Variants in MORC4 observed in about 807,000 individuals in gnomAD.
MORC4 encodes the protein MORC family CW-type zinc finger 4, also known as MORC family CW-type zinc finger protein 4.
A neutral mutation model predicts 65.5 loss-of-function variants in MORC4; 22 were observed. That is an observed-to-expected ratio of 0.34 (90% CI 0.24 to 0.48). The LOEUF (loss-of-function observed/expected upper bound fraction) is 0.48. MORC4 is among the 20% of genes least tolerant of loss of function. The probability of loss-of-function intolerance (pLI) is 0.99; values close to 1 mark genes in which losing one functional copy is unlikely to be tolerated. For synonymous variants in MORC4, 267 were observed against 255.8 expected (o/e 1.04, Z -0.42); for missense variants, 624 against 703.0 (o/e 0.89, Z 1.27).
intron 2 of MORC4, among the ~76,000 whole-genome samples, chrX:106,998,725 T>C (rs7876781): frequency 0.031 from 3,458 of 112,105 alleles, 137 homozygotes; most frequent in African/African-American, 0.11. Flanking sequence ...TTCCGTGTTA[T>C]GGTTAATCAT....
In MORC4 at chrX:106,999,883, C is replaced by T; in HGVS notation, c.87G>A (p.Gly29=). The T allele has an allele frequency of 1.2e-6, 1 of 834,063 alleles. No individual in the cohort carries two copies. The allele number at this position is 834,063 out of a possible 1,213,427, so 68.7% of individuals were successfully genotyped here. Residue 29 remains glycine, a synonymous_variant, in exon 1 of 17, where the codon GGG becomes GGA. Coordinates refer to ENST00000355610, the MANE Select transcript of MORC4 (RefSeq NM_024657.5). ...CCGGACCTACCGTGCTCAGGCGGAT[C>T]CCGAAGGCCTGCGGGCCGCCGCCGG... ...ARPGGGPQAF[G]IRLSTMSPRY...
chrX:106,953,334 G>A (rs938956212), intron 14 of MORC4, among the ~76,000 whole-genome samples: 1 of 112,045 alleles, frequency 8.9e-6, no homozygotes, highest in African/African-American at 3.2e-5. Flanking sequence ...GGAAGGGACA[G>A]TCTTCAAAAG....
In MORC4 at chrX:106,954,942, A is replaced by G. The variant is rs1934068602; in HGVS notation, c.1656T>C (p.Pro552=). Reference sequence around the variant, plus strand: ...AAAACTGTAAAACACTGGAATCCAGAGGCTTAAGTTGAAGAGATGGTGATC... The same window carrying G: ...AAAACTGTAAAACACTGGAATCCAGGGGCTTAAGTTGAAGAGATGGTGATC... ...ESRSPSLQLK[P]LDSSVLQFSS... Residue 552 remains proline, a synonymous_variant, in exon 14 of 17, where the codon CCT becomes CCC. Transcript: ENST00000355610. 1 of 1,209,856 alleles carries G rather than the reference A, an allele frequency of 8.3e-7. No individual in the cohort carries two copies. The highest frequency in any genetic ancestry group is 1.1e-6 in the Non-Finnish European group (1 of 895,015).
At chrX:106,958,540 C>CA in intron 10 of MORC4, 76 bp from the exon 11 acceptor site, 2 of 902,234 alleles carry the variant, frequency 2.2e-6, no homozygotes, top group Non-Finnish European at 2.9e-6. Context: ...AAGGTGCAGC[C>CA]AAAAAAAGAA....
rs1325904720 is a variant in MORC4, at chrX:106,941,371, T to TGTGA, written c.*107_*108insTCAC. 3.6e-6 allele frequency: 1 copy of TGTGA among 279,463 alleles called. No individual in the cohort carries two copies. The highest frequency in any genetic ancestry group is 6.1e-6 in the Non-Finnish European group (1 of 165,193). The allele number at this position is 279,463 out of a possible 1,213,427, so 23.0% of individuals were successfully genotyped here. On this transcript the variant is annotated 3_prime_UTR_variant, in exon 17 of 17. Transcript: ENST00000355610. ...TCTATATAAGGCATAAAGGTGAGGG[T>TGTGA]GAGAGAGAGAGAGAGAGAGAGAGAG...
intron 14 of MORC4, among the ~76,000 whole-genome samples, chrX:106,946,218 C>A (rs1933824697): frequency 8.9e-6 from 1 of 111,940 alleles, no homozygotes; most frequent in Non-Finnish European, 1.9e-5. Flanking sequence ...ATATGCACCA[C>A]CCCGCAAGAA....
At chrX:106,980,814 T>C (rs1442034463) in intron 7 of MORC4, 77 bp downstream of exon 7, 1 of 1,006,482 alleles carries the variant, frequency 9.9e-7, no homozygotes, top group African/African-American at 1.9e-5. Flanking sequence ...AAAGTTTTTG[T>C]TTTTCTGTGT....
intron 14 of MORC4, among the ~76,000 whole-genome samples, chrX:106,950,178 G>A (rs1316840675): frequency 8.9e-6 from 1 of 112,214 alleles, no homozygotes. Context: ...GATCCGAAGA[G>A]GGCTCTTGAC....
intron 2 of MORC4, 86 bp downstream of exon 2, chrX:106,999,591 G>A: frequency 2.1e-6 from 2 of 934,473 alleles, no homozygotes; most frequent in South Asian, 2.4e-5. Flanking sequence ...GCCCCGCGCG[G>A]CTCTGCGCAT....
Position 106,942,961 on chromosome X carries a change from T to A in MORC4, c.1930A>T (p.Ile644Phe). ...TGGTCTTTGGCCCCTGGATACAGAA[T>A]TGAAACCTCCCTATTCTGACCTGTA... ...KNTGQNREVSILYPGAKDQRQ... is the reference protein window; with the variant it reads ...KNTGQNREVSFLYPGAKDQRQ... Residue 644 changes from isoleucine (I) to phenylalanine (F), a missense_variant, in exon 15 of 17, where the codon ATT (isoleucine) becomes TTT (phenylalanine). By Grantham distance (21) the Ile-to-Phe change is conservative. Coordinates refer to ENST00000355610, the MANE Select transcript of MORC4 (RefSeq NM_024657.5). The A allele has an allele frequency of 9.9e-6, 12 of 1,211,685 alleles. No individual in the cohort carries two copies. The highest frequency in any genetic ancestry group is 1.3e-5 in the Non-Finnish European group (12 of 895,409).
rs1390374443 is a variant in MORC4, at chrX:106,942,919, G to A, written c.1972C>T (p.Leu658Phe). Residue 658 changes from leucine (L) to phenylalanine (F), a missense_variant, in exon 15 of 17, where the codon CTT becomes TTT. Physicochemically the swap from Leu to Phe is conservative, Grantham distance 22 (BLOSUM62 0). Coordinates refer to ENST00000355610, the MANE Select transcript of MORC4 (RefSeq NM_024657.5). ...ATCTGATCTTCTAATTCTTCAGGAA[G>A]CAGGGACCCCTGGCGTTGGTCTTTG... ...GAKDQRQGSL[L>F]PEELEDQMPR... 1 of 1,211,834 alleles carries A rather than the reference G, an allele frequency of 8.3e-7. No homozygotes were observed. Among genetic ancestry groups the A allele is most frequent in the East Asian group, 3.0e-5 (1 of 33,849 alleles).
rs527417328 is a variant in MORC4, at chrX:106,974,019, T to C, written c.1157+2565A>G. Reference sequence around the variant, plus strand: ...AATAGAAGACAATTTCTGTGGTTTATAGACAGAAGTTGAGTATCACTGTAT... The same window carrying C: ...AATAGAAGACAATTTCTGTGGTTTACAGACAGAAGTTGAGTATCACTGTAT... On this transcript the variant is annotated intron_variant, in intron 9 of 16. Coordinates refer to ENST00000355610, the MANE Select transcript of MORC4 (RefSeq NM_024657.5). Among the ~76,000 whole-genome samples the C allele has an allele frequency of 7.1e-5, 8 of 111,996 alleles. No homozygotes were observed. The South Asian group carries it at 1.9e-3, about 26-fold the overall frequency.
At chrX:106,982,081 G>A (rs916544149) in intron 5 of MORC4, among the ~76,000 whole-genome samples, 1 of 111,418 alleles carries the variant, frequency 9.0e-6, no homozygotes, top group African/African-American at 3.3e-5. Flanking sequence ...TGGGCCACTT[G>A]GTTTTGATCC....
At chrX:106,951,425 G>C (rs1220413765) in intron 14 of MORC4, among the ~76,000 whole-genome samples, 1 of 110,723 alleles carries the variant, frequency 9.0e-6, no homozygotes, top group Admixed American at 9.6e-5. Context: ...GCCCAGACTA[G>C]AGCACAGTTG....
At chrX:106,941,749 C>A in intron 16 of MORC4, 117 bp from the exon 17 acceptor site, 1 of 872,784 alleles carries the variant, frequency 1.1e-6, no homozygotes, top group Admixed American at 3.3e-5. Context: ...TTTTCATTAG[C>A]TAGAAAGAAG....
At chrX:106,963,737 A>G (rs747093291) in intron 9 of MORC4, among the ~76,000 whole-genome samples, 1 of 111,474 alleles carries the variant, frequency 9.0e-6, no homozygotes, top group South Asian at 3.8e-4. Flanking sequence ...GGACATTCAA[A>G]AGCAATTGCA....
chrX:106,948,081 CCT>C (rs1268361011), intron 14 of MORC4, among the ~76,000 whole-genome samples: 1 of 110,906 alleles, frequency 9.0e-6, no homozygotes, highest in Non-Finnish European at 1.9e-5. Context: ...CTTTATTTTT[CCT>C]CTTTTTATAT....
intron 9 of MORC4, among the ~76,000 whole-genome samples, chrX:106,964,872 G>A (rs1934335995): frequency 9.0e-6 from 1 of 110,818 alleles, no homozygotes; most frequent in Admixed American, 9.5e-5. Flanking sequence ...AGCTGGGCAT[G>A]GTGGTGCATG....
chrX:106,963,574 A>T (rs1934302226), intron 9 of MORC4, among the ~76,000 whole-genome samples: 1 of 111,786 alleles, frequency 8.9e-6, no homozygotes, highest in Non-Finnish European at 1.9e-5. Context: ...GAAGACAAAA[A>T]GGCAAGAGAC....
Sources: gnomAD v4.1 joint callset for allele counts (sites outside exome capture counted in the v4.1 genomes callset) on GRCh38, gnomAD v4.1.1 for gene constraint, MANE v1.5 for transcripts, NCBI Gene and HGNC (gene_info 2026-07-23, HGNC 2026-07-21) for gene names.